The following OR1E1 variants were observed in gnomAD, a reference collection of about 807,000 sequenced individuals.
OR1E1 encodes the protein olfactory receptor family 1 subfamily E member 1.
For missense variants in OR1E1, 330 were observed against 381.0 expected (o/e 0.87, Z 1.11); for synonymous variants, 125 against 153.1 (o/e 0.82, Z 1.36).
Position 3,398,292 on chromosome 17 carries a change from A to C in OR1E1, c.119T>G (p.Leu40Arg). 1 of 1,614,202 alleles carries C rather than the reference A, an allele frequency of 6.2e-7. No individual in the cohort carries two copies. Among genetic ancestry groups the C allele is most frequent in the Admixed American group, 1.7e-5 (1 of 60,020 alleles). ...GAGGACAATGATGAGGAGGTTCCCC[A>C]GGAGGGTGGTAAGATACATGGCCAA... is the stretch of plus-strand genomic sequence containing the variant. Reference protein sequence around the residue: ...LFLAMYLTTLLGNLLIIVLIR... With the variant: ...LFLAMYLTTLRGNLLIIVLIR... Residue 40 changes from leucine to arginine, a missense_variant, in exon 1 of 1, where the codon CTG becomes CGG. Coordinates refer to ENST00000322608, the MANE Select transcript of OR1E1 (RefSeq NM_003553.3).
In OR1E1 at chr17:3,397,957, T is replaced by A. The variant is rs2150675072; in HGVS notation, c.454A>T (p.Thr152Ser). 1 of 1,614,170 alleles carries A rather than the reference T, an allele frequency of 6.2e-7. No individual in the cohort carries two copies. The highest frequency in any genetic ancestry group is 1.1e-5 in the South Asian group (1 of 91,078). ...LALVALSWVL[T>S]TFHAMLHTLL... The stretch of plus-strand genomic sequence containing the variant: ...GTGTGTAACATGGCATGGAAGGTGG[T>A]CAGCACCCAGGACAGCGCCACCAGG... Residue 152 changes from threonine (T) to serine (S), a missense_variant, in exon 1 of 1, where the codon ACC becomes TCC. Transcript: ENST00000322608.
Position 3,397,412 on chromosome 17 carries a change from T to C in OR1E1, c.*54A>G, listed in dbSNP as rs927186122. 34 of 1,244,906 alleles carry C rather than the reference T, an allele frequency of 2.7e-5. No homozygotes were observed. Among genetic ancestry groups the C allele is most frequent in the Non-Finnish European group, 3.6e-5 (32 of 889,496 alleles). 77.1% of individuals were successfully genotyped at this position (1,244,906 alleles called of 1,614,324 possible). ...GAAATAATTTAGAATAATATTCCAA[T>C]ATTAATATCAATATTTTACTGGATA... On this transcript the variant is annotated 3_prime_UTR_variant, in exon 1 of 1. Coordinates refer to ENST00000322608, the MANE Select transcript of OR1E1 (RefSeq NM_003553.3).
At position 3,398,044 on chromosome 17, in the gene OR1E1, A is replaced by T; in HGVS notation, c.367T>A (p.Tyr123Asn). 1 of 1,614,240 alleles carries T rather than the reference A, an allele frequency of 6.2e-7. No individual in the cohort carries two copies. Among genetic ancestry groups the T allele is most frequent in the South Asian group, 1.1e-5 (1 of 91,086 alleles). The stretch of plus-strand genomic sequence containing the variant: ...TGCAGGGGGAAGCAGATGGCCACAT[A>T]GCGGTCATAGGCCATGGCCACAAGG... ...FLLVAMAYDR[Y>N]VAICFPLHYT... The change falls in exon 1 of 1, where the codon TAT becomes AAT. Residue 123 changes from tyrosine (Y) to asparagine (N), a missense_variant. Tyr to Asn is a moderately radical substitution (Grantham distance 143, BLOSUM62 -2). Coordinates refer to ENST00000322608, the MANE Select transcript of OR1E1 (RefSeq NM_003553.3).
At position 3,397,952 on chromosome 17, in the gene OR1E1, G is replaced by A. The variant is rs11078447; in HGVS notation, c.459C>T (p.Thr153=). ...ALVALSWVLT[T]FHAMLHTLLM... ...GTAAAGTGTGTAACATGGCATGGAA[G>A]GTGGTCAGCACCCAGGACAGCGCCA... The change falls in exon 1 of 1, where the codon ACC becomes ACT. Residue 153 remains threonine (T), a synonymous_variant. Coordinates refer to ENST00000322608, the MANE Select transcript of OR1E1 (RefSeq NM_003553.3). 5,079 of 1,614,232 alleles carry A rather than the reference G, an allele frequency of 3.1e-3. 116 individuals carry two copies. The African/African-American group carries it at 0.057, about 18-fold the overall frequency.
chr17:3,398,123 G>T lies in OR1E1; in HGVS notation c.288C>A (p.Asp96Glu), dbSNP rs1224003358. ...GGAAGAAGTACATTTGGGTCAGGCA[G>T]TCCGCATAGGGGATGGATGGGTCCT... Reference protein sequence around the residue: ...QNQDPSIPYADCLTQMYFFLL... With the variant: ...QNQDPSIPYAECLTQMYFFLL... The change falls in exon 1 of 1, where the codon GAC (aspartate) becomes GAA (glutamate). Residue 96 changes from aspartate to glutamate, a missense_variant. Transcript: ENST00000322608. 5.6e-6 allele frequency: 9 copies of T among 1,614,114 alleles called. No individual in the cohort carries two copies. The East Asian group carries it at 2.0e-4, about 36-fold the overall frequency.
At position 3,397,450 on chromosome 17, in the gene OR1E1, G is replaced by A. The variant is rs1169832398; in HGVS notation, c.*16C>T. 5 of 1,545,654 alleles carry A rather than the reference G, an allele frequency of 3.2e-6. No individual in the cohort carries two copies. On this transcript the variant is annotated 3_prime_UTR_variant, in exon 1 of 1. Coordinates refer to ENST00000322608, the MANE Select transcript of OR1E1 (RefSeq NM_003553.3). Reference sequence around the variant, plus strand: ...ATTTTACTGGATAAACTATGTAATAGCTCCAAGTGTTATCATCAGAGAGAG... The same window carrying A: ...ATTTTACTGGATAAACTATGTAATAACTCCAAGTGTTATCATCAGAGAGAG...
At position 3,398,354 on chromosome 17, in the gene OR1E1, G is replaced by T. The variant is rs1360458207; in HGVS notation, c.57C>A (p.Ile19=). The T allele has an allele frequency of 3.1e-6, 5 of 1,613,386 alleles. No individual in the cohort carries two copies. The highest frequency in any genetic ancestry group is 4.2e-6 in the Non-Finnish European group (5 of 1,179,354). Reference sequence around the variant, plus strand: ...AGCACAGGTTTTGCTGCTCTGGTTGGATGGGCAGGCCCAGGAGCAGGAAGT... The same window carrying T: ...AGCACAGGTTTTGCTGCTCTGGTTGTATGGGCAGGCCCAGGAGCAGGAAGT... The part of the protein sequence containing the change: ...ISDFLLLGLP[I]QPEQQNLCYA... Residue 19 remains isoleucine (I), a synonymous_variant, in exon 1 of 1, where the codon ATC becomes ATA. Transcript: ENST00000322608.
At position 3,397,762 on chromosome 17, in the gene OR1E1, A is replaced by T; in HGVS notation, c.649T>A (p.Ser217Thr). 6.2e-7 allele frequency: 1 copy of T among 1,613,968 alleles called. No homozygotes were observed. The highest frequency in any genetic ancestry group is 2.2e-5 in the East Asian group (1 of 44,880). Residue 217 changes from serine (S) to threonine (T), a missense_variant, in exon 1 of 1, where the codon TCC becomes ACC. Ser to Thr is a moderately conservative substitution (Grantham distance 58). Transcript: ENST00000322608. ...LVIPFLLILG[S>T]YARIVSSILK... ...ATGGAGGAGACAATTCTTGCATAGG[A>T]CCCAAGGATGAGTAGGAATGGGATG...
rs2049858255 is a variant in OR1E1, at chr17:3,397,997, G to A, written c.414C>T (p.Pro138=). 1 of 1,614,116 alleles carries A rather than the reference G, an allele frequency of 6.2e-7. No homozygotes were observed. Among genetic ancestry groups the A allele is most frequent in the African/African-American group, 1.3e-5 (1 of 74,932 alleles). The stretch of plus-strand genomic sequence containing the variant: ...GCGCCACCAGGGCGAGACAGAGCAT[G>A]GGGCTCATGATGGCGGTGTAGTGCA... ...FPLHYTAIMS[P]MLCLALVALS... Residue 138 remains proline (P), a synonymous_variant, in exon 1 of 1, where the codon CCC becomes CCT. Transcript: ENST00000322608.
At position 3,398,010 on chromosome 17, in the gene OR1E1, G is replaced by A. The variant is rs771746074; in HGVS notation, c.401C>T (p.Ala134Val). The change falls in exon 1 of 1, where the codon GCC becomes GTC. Residue 134 changes from alanine (A) to valine (V), a missense_variant. Ala to Val is a moderately conservative substitution (Grantham distance 64). Coordinates refer to ENST00000322608, the MANE Select transcript of OR1E1 (RefSeq NM_003553.3). ...GAGACAGAGCATGGGGCTCATGATG[G>A]CGGTGTAGTGCAGGGGGAAGCAGAT... is the stretch of plus-strand genomic sequence containing the variant. ...VAICFPLHYT[A>V]IMSPMLCLAL... The A allele has an allele frequency of 1.8e-5, 29 of 1,614,124 alleles. No homozygotes were observed. In the South Asian group the frequency reaches 3.0e-4, roughly 16 times the overall value.
chr17:3,397,735 G>C lies in OR1E1; in HGVS notation c.676C>G (p.Leu226Val). 3 of 1,613,960 alleles carry C rather than the reference G, an allele frequency of 1.9e-6. No homozygotes were observed. Among genetic ancestry groups the C allele is most frequent in the Non-Finnish European group, 2.5e-6 (3 of 1,179,878 alleles). ...GSYARIVSSI[L>V]KVPSSKGICK... is the part of the protein sequence containing the mutation. ...ATACCCTTAGAAGAAGGGACCTTGA[G>C]GATGGAGGAGACAATTCTTGCATAG... The change falls in exon 1 of 1, where the codon CTC becomes GTC. Residue 226 changes from leucine to valine, a missense_variant. Physicochemically the swap from Leu to Val is conservative, Grantham distance 32. Coordinates refer to ENST00000322608, the MANE Select transcript of OR1E1 (RefSeq NM_003553.3).
chr17:3,397,914 A>T lies in OR1E1; in HGVS notation c.497T>A (p.Leu166Ter). The part of the protein sequence containing the change: ...AMLHTLLMAR[L>*]CFCADNVIPH... ...GATCACATTGTCTGCACAAAAACACAACCTGGCCATGAGTAAAGTGTGTAA... is the reference window on the plus strand; with the variant it reads ...GATCACATTGTCTGCACAAAAACACTACCTGGCCATGAGTAAAGTGTGTAA... The change falls in exon 1 of 1, where the codon TTG becomes TAG. Residue 166 changes from leucine to a stop codon, truncating the protein, a stop_gained. Coordinates refer to ENST00000322608, the MANE Select transcript of OR1E1 (RefSeq NM_003553.3). LOFTEE classifies it low-confidence loss of function (END_TRUNC). 6.2e-7 allele frequency: 1 copy of T among 1,614,228 alleles called. No individual in the cohort carries two copies. Among genetic ancestry groups the T allele is most frequent in the Non-Finnish European group, 8.5e-7 (1 of 1,180,040 alleles).
At position 3,398,241 on chromosome 17, in the gene OR1E1, G is replaced by A. The variant is rs143079576; in HGVS notation, c.170C>T (p.Thr57Met). Residue 57 changes from threonine (T) to methionine (M), a missense_variant, in exon 1 of 1, where the codon ACG becomes ATG. Transcript: ENST00000322608. ...GTTGCTGAGAAACAAATACATAGGCGTGTGGAGATGGGAGTCCAGTCGAAT... is the reference window on the plus strand; with the variant it reads ...GTTGCTGAGAAACAAATACATAGGCATGTGGAGATGGGAGTCCAGTCGAAT... ...VLIRLDSHLH[T>M]PMYLFLSNLS... 560 of 1,614,190 alleles carry A rather than the reference G, an allele frequency of 3.5e-4. 3 individuals carry two copies. Among genetic ancestry groups the A allele is most frequent in the East Asian group, 3.3e-3 (146 of 44,886 alleles).
rs758304726 is a variant in OR1E1, at chr17:3,397,463, T to C, written c.*3A>G. On this transcript the variant is annotated 3_prime_UTR_variant, in exon 1 of 1. Transcript: ENST00000322608. The stretch of plus-strand genomic sequence containing the variant: ...AACTATGTAATAGCTCCAAGTGTTA[T>C]CATCAGAGAGAGAAGAAAGTTTTCT... The C allele has an allele frequency of 1.9e-6, 3 of 1,598,700 alleles. No homozygotes were observed. The highest frequency in any genetic ancestry group is 1.7e-4 in the Middle Eastern group (1 of 5,994).
In OR1E1 at chr17:3,397,415, T is replaced by G; in HGVS notation, c.*51A>C. On this transcript the variant is annotated 3_prime_UTR_variant, in exon 1 of 1. Transcript: ENST00000322608. ...ATAATTTAGAATAATATTCCAATAT[T>G]AATATCAATATTTTACTGGATAAAC... 3 of 1,260,020 alleles carry G rather than the reference T, an allele frequency of 2.4e-6. No individual in the cohort carries two copies. Among genetic ancestry groups the G allele is most frequent in the Non-Finnish European group, 3.3e-6 (3 of 899,702 alleles). The allele number at this position is 1,260,020 out of a possible 1,614,324, so 78.1% of individuals were successfully genotyped here.
Position 3,397,311 on chromosome 17 carries a change from A to G in OR1E1, c.*155T>C, listed in dbSNP as rs958592913. On this transcript the variant is annotated 3_prime_UTR_variant, in exon 1 of 1. Coordinates refer to ENST00000322608, the MANE Select transcript of OR1E1 (RefSeq NM_003553.3). ...CACCAAGACCCTCTTCCCTAGTTCA[A>G]CTACTCAGCTATGCTTCATCTCCAC... 1.6e-6 allele frequency: 1 copy of G among 630,236 alleles called. No homozygotes were observed. The highest frequency in any genetic ancestry group is 2.4e-5 in the South Asian group (1 of 41,322). 39.0% of individuals were successfully genotyped at this position (630,236 alleles called of 1,614,324 possible). A position where few individuals can be genotyped will look rare whatever the true frequency, so the allele number is the denominator to read the frequency against.
In OR1E1 at chr17:3,397,205, A is replaced by C. The variant is rs1171154908; in HGVS notation, c.*261T>G. On this transcript the variant is annotated 3_prime_UTR_variant, in exon 1 of 1. Coordinates refer to ENST00000322608, the MANE Select transcript of OR1E1 (RefSeq NM_003553.3). ...TGATAATTTAAGAATGTGGGGCATG[A>C]AGACCATTTAAAACAGTTGTTCTTA... is the stretch of plus-strand genomic sequence containing the variant. 2.3e-5 allele frequency: 8 copies of C among 344,242 alleles called. No individual in the cohort carries two copies. The highest frequency in any genetic ancestry group is 4.2e-5 in the Non-Finnish European group (8 of 191,068). The allele number at this position is 344,242 out of a possible 1,614,324, so 21.3% of individuals were successfully genotyped here.
chr17:3,398,406 A>G lies in OR1E1; in HGVS notation c.5T>C (p.Met2Thr), dbSNP rs776896843. ...TGAGATGCTGGTTTGATTTTGTCCCATCATGCTCTGTCTCCAGTATCTTTA... is the reference window on the plus strand; with the variant it reads ...TGAGATGCTGGTTTGATTTTGTCCCGTCATGCTCTGTCTCCAGTATCTTTA... MMGQNQTSISDF... is the reference protein window; with the variant it reads MTGQNQTSISDF... The change falls in exon 1 of 1, where the codon ATG becomes ACG. Residue 2 changes from methionine (M) to threonine (T), a missense_variant. Physicochemically the swap from Met to Thr is moderately conservative, Grantham distance 81. Coordinates refer to ENST00000322608, the MANE Select transcript of OR1E1 (RefSeq NM_003553.3). 3 of 1,603,732 alleles carry G rather than the reference A, an allele frequency of 1.9e-6. No individual in the cohort carries two copies. The highest frequency in any genetic ancestry group is 2.7e-5 in the African/African-American group (2 of 74,658).
rs558662590 is a variant in OR1E1 at position 3,397,635 on chromosome 17, T to C, written c.776A>G (p.Tyr259Cys). 1.9e-6 allele frequency: 3 copies of C among 1,613,900 alleles called. No homozygotes were observed. Among genetic ancestry groups the C allele is most frequent in the African/African-American group, 2.7e-5 (2 of 74,938 alleles). The change falls in exon 1 of 1, where the codon TAC becomes TGC. Residue 259 changes from tyrosine to cysteine, a missense_variant. Tyr to Cys is a radical substitution (Grantham distance 194, BLOSUM62 -2). Transcript: ENST00000322608. ...SLFYGTVIGL[Y>C]LCSSANSSTL... ...AGAACTATTAGCTGATGAGCATAAG[T>C]AGAGACCAATAACGGTTCCATAGAA...
Sources: allele counts gnomAD v4.1 joint callset, GRCh38; gene constraint gnomAD v4.1.1; transcripts MANE v1.5; gene names NCBI Gene and HGNC (gene_info 2026-07-23, HGNC 2026-07-21).